Variants in MYO10 observed in about 807,000 individuals in gnomAD.
The protein encoded by MYO10 is unconventional myosin-X.
In MYO10, 133 loss-of-function variants were observed where a neutral mutation model predicts 257.3. The ratio of observed to expected loss-of-function variants is 0.52; its 90% CI spans 0.45 to 0.60. MYO10 has a LOEUF of 0.60. MYO10 is among the 20% of genes least tolerant of loss of function. The pLI is 0.00. For synonymous variants in MYO10, 1,104 were observed against 1,028.6 expected, an observed-to-expected ratio of 1.07 and a Z score of -1.40; for missense variants, 2,399 against 2,635.7, an observed-to-expected ratio of 0.91 and a Z score of 1.97.
At chr5:16,777,951 C>A (rs1168450991) in intron 9 of MYO10, among the ~76,000 whole-genome samples, 2 of 145,050 alleles carry the variant, frequency 1.4e-5, no homozygotes, top group Non-Finnish European at 3.0e-5. Context: ...CAGGTTCAAG[C>A]GATTCTCCTG....
intron 3 of MYO10, among the ~76,000 whole-genome samples, chr5:16,809,862 C>G (rs1580013741): frequency 6.6e-6 from 1 of 152,124 alleles, no homozygotes; most frequent in Non-Finnish European, 1.5e-5. Context: ...TCCTCTGGAG[C>G]CAGCCTCAAC....
chr5:16,822,337 A>C (rs1742845685), intron 2 of MYO10, among the ~76,000 whole-genome samples: 1 of 152,202 alleles, frequency 6.6e-6, no homozygotes. Context: ...TCACTCATTC[A>C]AGCAAATTTT....
intron 19 of MYO10, among the ~76,000 whole-genome samples, chr5:16,732,629 T>C (rs1324908503): frequency 6.6e-6 from 1 of 152,114 alleles, no homozygotes; most frequent in Non-Finnish European, 1.5e-5. Context: ...AATGCTAAAA[T>C]AGCTGTGAAA....
intron 17 of MYO10, 49 bp downstream of exon 17, chr5:16,761,415 A>T: frequency 7.0e-7 from 1 of 1,420,348 alleles, no homozygotes; most frequent in Non-Finnish European, 9.9e-7. Flanking sequence ...GCATTTGCAC[A>T]AATATTCATT....
chr5:16,809,301 G>A (rs995555836), intron 3 of MYO10, among the ~76,000 whole-genome samples: 7 of 152,180 alleles, frequency 4.6e-5, no homozygotes, highest in African/African-American at 9.7e-5. Flanking sequence ...CCAACCACGC[G>A]GCCTTCAGGC....
chr5:16,830,925 G>C (rs959535589), intron 2 of MYO10, among the ~76,000 whole-genome samples: 3 of 152,130 alleles, frequency 2.0e-5, no homozygotes, highest in Non-Finnish European at 4.4e-5. Flanking sequence ...TGGGCAGGAG[G>C]GTAATGAGGA....
intron 2 of MYO10, among the ~76,000 whole-genome samples, chr5:16,819,116 T>G (rs1228338071): frequency 6.6e-6 from 1 of 152,204 alleles, no homozygotes; most frequent in Non-Finnish European, 1.5e-5. Flanking sequence ...AAAATCTCCT[T>G]GGACAATATT....
chr5:16,670,954 G>A lies in MYO10; in HGVS notation c.5455C>T (p.His1819Tyr). ...EQAHEAVIHG[H>Y]HPAPEENLQV... ...AGGTTTTCTTCCGGGGCTGGATGGT[G>A]GCCATGGATAACCGCTTCGTGGGCC... Residue 1819 changes from histidine to tyrosine, a missense_variant, in exon 39 of 41, where the codon CAC (histidine) becomes TAC (tyrosine). Coordinates refer to ENST00000513610, the MANE Select transcript of MYO10 (RefSeq NM_012334.3). The A allele has an allele frequency of 6.2e-7, 1 of 1,611,178 alleles. No homozygotes were observed. Among genetic ancestry groups the A allele is most frequent in the Non-Finnish European group, 8.5e-7 (1 of 1,177,598 alleles).
chr5:16,816,730 C>T (rs1417830580), intron 3 of MYO10, among the ~76,000 whole-genome samples: 1 of 151,786 alleles, frequency 6.6e-6, no homozygotes, highest in Admixed American at 6.6e-5. Context: ...GGGGATTCAC[C>T]ATGTTGGCCA....
intron 19 of MYO10, among the ~76,000 whole-genome samples, chr5:16,711,865 A>C (rs1445206135): frequency 6.6e-6 from 1 of 152,166 alleles, no homozygotes; most frequent in Non-Finnish European, 1.5e-5. Flanking sequence ...TTAATATAAC[A>C]CTAGTATCAT....
intron 4 of MYO10, among the ~76,000 whole-genome samples, chr5:16,788,054 A>T (rs996345455): frequency 2.6e-5 from 4 of 152,186 alleles, no homozygotes; most frequent in African/African-American, 9.6e-5. Flanking sequence ...TCGGCCTCCC[A>T]AAGTGCTGGC....
Position 16,709,573 on chromosome 5 carries a change from T to TG in MYO10, c.2169+1334_2169+1335insC, listed in dbSNP as rs545089164. ...AGAAAGAAAACAGGGACTTCAGTCC[T>TG]CAAAAACACAGGGAAATGAATTTTG... On this transcript the variant is annotated intron_variant, in intron 21 of 40. Coordinates refer to ENST00000513610, the MANE Select transcript of MYO10 (RefSeq NM_012334.3). Among the ~76,000 whole-genome samples, 1,178 of 152,162 alleles carry TG rather than the reference T, an allele frequency of 7.7e-3. 4 individuals carry two copies. Among genetic ancestry groups the TG allele is most frequent in the South Asian group, 0.012 (60 of 4,816 alleles).
chr5:16,824,086 A>G (rs1742927217), intron 2 of MYO10, among the ~76,000 whole-genome samples: 2 of 152,316 alleles, frequency 1.3e-5, no homozygotes, highest in Middle Eastern at 6.8e-3. Context: ...GACTGAAAAC[A>G]TAACTTGGAG....
chr5:16,701,274 C>G lies in MYO10; in HGVS notation c.3121G>C (p.Val1041Leu). 6.2e-7 allele frequency: 1 copy of G among 1,613,720 alleles called. No homozygotes were observed. The highest frequency in any genetic ancestry group is 8.5e-7 in the Non-Finnish European group (1 of 1,179,828). Reference protein sequence around the residue: ...EEDPYMNDTVVPTSPSADSTV... With the variant: ...EEDPYMNDTVLPTSPSADSTV... ...CTGTCCGCACTGGGGCTGGTGGGCA[C>G]CACCGTGTCGTTCATGTATGGGTCC... Residue 1041 changes from valine to leucine, a missense_variant, in exon 25 of 41, where the codon GTG becomes CTG. By Grantham distance (32) the Val-to-Leu change is conservative. This residue lies in a region of MYO10 where 1,820 missense variants were observed against 1,939.4 expected (regional missense o/e 0.94). Coordinates refer to ENST00000513610, the MANE Select transcript of MYO10 (RefSeq NM_012334.3). The surrounding 1 kb of genome is among the most constrained non-coding windows in gnomAD (Gnocchi z 8.1).
chr5:16,809,268 A>G (rs1742364810), intron 3 of MYO10, among the ~76,000 whole-genome samples: 1 of 152,092 alleles, frequency 6.6e-6, no homozygotes, highest in South Asian at 2.1e-4. Context: ...AGGGCACCCC[A>G]ATGCCAAGGC....
intron 26 of MYO10, among the ~76,000 whole-genome samples, chr5:16,697,352 G>A (rs140115006): frequency 2.8e-3 from 432 of 152,240 alleles, no homozygotes; most frequent in African/African-American, 9.7e-3. Context: ...GGAAAAAAAC[G>A]TAAAGAAGCT....
chr5:16,730,340 G>C (rs1419062645), intron 19 of MYO10, among the ~76,000 whole-genome samples: 5 of 152,200 alleles, frequency 3.3e-5, no homozygotes, highest in Non-Finnish European at 1.5e-5. Flanking sequence ...TCTGCCTGGA[G>C]AGAGAGAAGG....
At chr5:16,810,319 A>G (rs1487341231) in intron 3 of MYO10, among the ~76,000 whole-genome samples, 1 of 151,142 alleles carries the variant, frequency 6.6e-6, no homozygotes, top group Non-Finnish European at 1.5e-5. Context: ...CTCTTCCATC[A>G]CCTCCCTCCC....
chr5:16,762,961 C>T (rs528507311), intron 14 of MYO10, among the ~76,000 whole-genome samples: 78 of 132,024 alleles, frequency 5.9e-4, no homozygotes, highest in Middle Eastern at 8.2e-3. Flanking sequence ...GAGACTCCGT[C>T]TCAGGGGAAA....
Sources: allele counts gnomAD v4.1 joint callset (sites outside exome capture counted in the v4.1 genomes callset), GRCh38; gene constraint gnomAD v4.1.1; regional missense constraint gnomAD v4.1.1; non-coding constraint Gnocchi (gnomAD v3.1); transcripts MANE v1.5; gene names NCBI Gene and HGNC (gene_info 2026-07-23, HGNC 2026-07-21).